EPS15: variants seen among roughly 807,000 people sequenced by gnomAD.
EPS15 encodes epidermal growth factor receptor pathway substrate 15, also known as epidermal growth factor receptor substrate 15.
In EPS15, 72 loss-of-function variants were observed where a neutral mutation model predicts 113.8. That is an observed-to-expected ratio of 0.63 (90% CI 0.52 to 0.77). EPS15 has a LOEUF of 0.77. EPS15 is among the 30% of genes least tolerant of loss of function. EPS15 has a pLI of 0.00. For missense variants in EPS15, 1,048 were observed against 1,045.8 expected (o/e 1.00, Z -0.03); for synonymous variants, 344 against 363.4 (o/e 0.95, Z 0.61).
At chr1:51,454,756 C>A (rs756124898) in intron 8 of EPS15, among the ~76,000 whole-genome samples, 2 of 152,128 alleles carry the variant, frequency 1.3e-5, no homozygotes, top group Non-Finnish European at 2.9e-5. Context: ...GAAAAACTGG[C>A]GAAACCCAAA....
At chr1:51,362,263 C>G (rs983410235) in intron 23 of EPS15, among the ~76,000 whole-genome samples, 3 of 152,058 alleles carry the variant, frequency 2.0e-5, no homozygotes, top group African/African-American at 7.2e-5. Flanking sequence ...GAATTACTGC[C>G]AACATTTAAT....
chr1:51,466,600 T>C (rs1324945139), intron 5 of EPS15, among the ~76,000 whole-genome samples: 1 of 151,228 alleles, frequency 6.6e-6, no homozygotes, highest in African/African-American at 2.4e-5. Flanking sequence ...TCCAGCCTGG[T>C]TGACAAGAGC....
chr1:51,460,715 A>T (rs1160247260), intron 8 of EPS15, among the ~76,000 whole-genome samples: 1 of 152,214 alleles, frequency 6.6e-6, no homozygotes, highest in Non-Finnish European at 1.5e-5. Context: ...GCACTTTGGG[A>T]GGCTGAGGTG....
At chr1:51,513,005 A>G (rs573098187) in intron 1 of EPS15, among the ~76,000 whole-genome samples, 2 of 149,796 alleles carry the variant, frequency 1.3e-5, no homozygotes, top group Non-Finnish European at 3.0e-5. Context: ...ATTAAAAAAA[A>G]TTTTTTTTTT....
At chr1:51,392,957 G>A (rs1488551383) in intron 21 of EPS15, among the ~76,000 whole-genome samples, 4 of 152,192 alleles carry the variant, frequency 2.6e-5, no homozygotes, top group African/African-American at 4.8e-5. Context: ...TATAAAAAGA[G>A]CACATGTACT....
At chr1:51,464,230 C>G (rs1208821627) in intron 6 of EPS15, among the ~76,000 whole-genome samples, 1 of 133,484 alleles carries the variant, frequency 7.5e-6, no homozygotes, top group East Asian at 2.3e-4. Context: ...AGGTGCAGTT[C>G]AAATAAATAA....
Position 51,406,082 on chromosome 1 carries a change from T to G in EPS15, c.1500A>C (p.Lys500Asn). The stretch of plus-strand genomic sequence containing the variant: ...ACTGACTATTATGATTTTCCAAATC[T>G]TTCATTTCCATCAGTTTCATTTGCA... ...SSMQMKLMEM[K>N]DLENHNSQLN... The change falls in exon 16 of 25, where the codon AAA becomes AAC. Residue 500 changes from lysine (K) to asparagine (N), a missense_variant. Coordinates refer to ENST00000371733, the MANE Select transcript of EPS15 (RefSeq NM_001981.3). 1 of 1,613,796 alleles carries G rather than the reference T, an allele frequency of 6.2e-7. No individual in the cohort carries two copies. The highest frequency in any genetic ancestry group is 8.5e-7 in the Non-Finnish European group (1 of 1,179,896).
intron 21 of EPS15, among the ~76,000 whole-genome samples, chr1:51,374,432 C>T (rs1287748230): frequency 6.6e-6 from 1 of 151,992 alleles, no homozygotes; most frequent in African/African-American, 2.4e-5. Context: ...GCCTGGCCAA[C>T]GTCTTTACTA....
intron 2 of EPS15, among the ~76,000 whole-genome samples, chr1:51,476,952 G>C (rs886689492): frequency 1.1e-4 from 16 of 152,184 alleles, no homozygotes; most frequent in Non-Finnish European, 2.1e-4. Flanking sequence ...TTGGTATCAG[G>C]ATGATGCTGG....
chr1:51,402,989 T>C (rs1261803831), intron 17 of EPS15, among the ~76,000 whole-genome samples: 1 of 152,206 alleles, frequency 6.6e-6, no homozygotes, highest in African/African-American at 2.4e-5. Flanking sequence ...TTCTCTTTCC[T>C]TCACCTTAAC....
chr1:51,432,402 C>T (rs1651813363), intron 12 of EPS15, among the ~76,000 whole-genome samples: 1 of 151,864 alleles, frequency 6.6e-6, no homozygotes. Context: ...CTCCTGGCCT[C>T]AGCAATTCTC....
At chr1:51,461,392 C>G (rs72696159) in intron 7 of EPS15, among the ~76,000 whole-genome samples, 4,569 of 151,758 alleles carry the variant, frequency 0.03, 74 homozygotes, top group African/African-American at 0.05. Flanking sequence ...ATGGTGGCAT[C>G]CACCTGTAGG....
chr1:51,448,191 CTGAAT>C (rs1232888761), intron 8 of EPS15, 56 bp from the exon 9 acceptor site: 1 of 999,370 alleles, frequency 1.0e-6, no homozygotes, highest in Non-Finnish European at 1.5e-6. Context: ...CATCCACCCA[CTGAAT>C]TGATTATTGT....
intron 1 of EPS15, among the ~76,000 whole-genome samples, chr1:51,488,133 A>T (rs894501645): frequency 4.6e-5 from 7 of 152,226 alleles, no homozygotes; most frequent in African/African-American, 1.7e-4. Context: ...TAAGAATGAA[A>T]CAATAAGGCT....
At chr1:51,462,765 A>G (rs1028335681) in intron 7 of EPS15, among the ~76,000 whole-genome samples, 1 of 152,002 alleles carries the variant, frequency 6.6e-6, no homozygotes, top group Non-Finnish European at 1.5e-5. Context: ...TGTAGTTAAT[A>G]CCACTGAATT....
chr1:51,431,603 G>T (rs974636940), intron 12 of EPS15, among the ~76,000 whole-genome samples: 2 of 151,864 alleles, frequency 1.3e-5, no homozygotes, highest in Non-Finnish European at 2.9e-5. Flanking sequence ...GCACCACCAC[G>T]CCCGACTAAT....
At chr1:51,514,375 T>A (rs189181019) in intron 1 of EPS15, among the ~76,000 whole-genome samples, 5,109 of 151,888 alleles carry the variant, frequency 0.034, 133 homozygotes, top group Non-Finnish European at 0.052. Context: ...ATTTTTTTTT[T>A]AAAAACTTTT....
At chr1:51,506,940 T>C (rs906250825) in intron 1 of EPS15, among the ~76,000 whole-genome samples, 3 of 152,192 alleles carry the variant, frequency 2.0e-5, no homozygotes, top group African/African-American at 4.8e-5. Flanking sequence ...TCACAACTTT[T>C]AATGCCAATT....
At chr1:51,481,180 T>C (rs1644013949) in intron 2 of EPS15, 93 bp downstream of exon 2, 12 of 747,562 alleles carry the variant, frequency 1.6e-5, no homozygotes, top group Non-Finnish European at 2.6e-5. Flanking sequence ...ACATCAAATT[T>C]ATCGAGCTAG....
Sources: allele counts gnomAD v4.1 joint callset (sites outside exome capture counted in the v4.1 genomes callset), GRCh38; gene constraint gnomAD v4.1.1; transcripts MANE v1.5; gene names NCBI Gene and HGNC (gene_info 2026-07-23, HGNC 2026-07-21).